EIF4G3: variants seen among roughly 807,000 people sequenced by gnomAD.
EIF4G3 encodes the protein eIF-4-gamma 3.
EIF4G3 carries 34 observed loss-of-function variants against 186.4 expected under a neutral mutation model. That is an observed-to-expected ratio of 0.18 (90% CI 0.14 to 0.24). The LOEUF (loss-of-function observed/expected upper bound fraction) is 0.24, where lower values mean the gene tolerates loss of function less well. Ranked by LOEUF, EIF4G3 falls within the 10% of genes least tolerant of loss-of-function variation. The pLI is 1.00. For synonymous variants in EIF4G3, 673 were observed against 679.5 expected (o/e 0.99, Z 0.15); for missense variants, 1,536 against 1,948.5 (o/e 0.79, Z 3.99).
At chr1:20,882,648 A>T (rs939620159) in intron 19 of EIF4G3, among the ~76,000 whole-genome samples, 6 of 151,850 alleles carry the variant, frequency 4.0e-5, no homozygotes, top group Non-Finnish European at 7.4e-5. Context: ...AACAAAAAAA[A>T]ATTAACAAAT....
intron 2 of EIF4G3, among the ~76,000 whole-genome samples, chr1:21,126,883 C>T (rs1558085225): frequency 6.6e-6 from 1 of 152,004 alleles, no homozygotes; most frequent in Non-Finnish European, 1.5e-5. Context: ...CATATCCTCC[C>T]TGCATACTTC....
chr1:20,852,567 C>T (rs866060060), intron 27 of EIF4G3, among the ~76,000 whole-genome samples: 5 of 152,242 alleles, frequency 3.3e-5, no homozygotes, highest in South Asian at 4.1e-4. Context: ...TTTCCTGATT[C>T]GTCTTCTTTT....
chr1:21,131,384 T>C (rs1221857257), intron 2 of EIF4G3, among the ~76,000 whole-genome samples: 3 of 143,288 alleles, frequency 2.1e-5, no homozygotes, highest in African/African-American at 7.7e-5. Flanking sequence ...TATGTATAAC[T>C]GGATTCACAG....
In EIF4G3 at chr1:20,950,030, C is replaced by T. The variant is rs773234113; in HGVS notation, c.796G>A (p.Val266Ile). 1.2e-6 allele frequency: 2 copies of T among 1,613,568 alleles called. No homozygotes were observed. Among genetic ancestry groups the T allele is most frequent in the South Asian group, 2.2e-5 (2 of 91,040 alleles). The change falls in exon 13 of 37, where the codon GTC (valine) becomes ATC (isoleucine). Residue 266 changes from valine (V) to isoleucine (I), a missense_variant. Around this residue, in one of 11 missense-constraint regions of EIF4G3, gnomAD observed 560 missense variants for 547.8 expected, o/e 1.02. Coordinates refer to ENST00000602326, the MANE Select transcript of EIF4G3 (RefSeq NM_001391906.1). ...TGCTTCTGGTCGCTAGCTGCAGTGA[C>T]AGGGGTGCTGGCAGCAAGATGAGCG... ...ESAHLAASTP[V>I]TAASDQKQEE... is the part of the protein sequence containing the mutation.
intron 2 of EIF4G3, among the ~76,000 whole-genome samples, chr1:21,141,716 C>A (rs2097342840): frequency 6.6e-6 from 1 of 151,952 alleles, no homozygotes; most frequent in Non-Finnish European, 1.5e-5. Flanking sequence ...ATCGTTTGAA[C>A]CTAGGAGTTC....
intron 29 of EIF4G3, among the ~76,000 whole-genome samples, chr1:20,847,033 A>T (rs975982068): frequency 1.3e-5 from 2 of 152,160 alleles, no homozygotes; most frequent in Non-Finnish European, 2.9e-5. Flanking sequence ...ACACACTAAT[A>T]CCCCAAAGGT....
intron 15 of EIF4G3, among the ~76,000 whole-genome samples, chr1:20,902,021 AT>A (rs765701647): frequency 2.0e-4 from 30 of 152,072 alleles, no homozygotes; most frequent in Non-Finnish European, 3.8e-4. Context: ...TTGCCAAGCA[AT>A]TTTAATATGA....
intron 2 of EIF4G3, among the ~76,000 whole-genome samples, chr1:21,112,618 G>A (rs1272933462): frequency 6.6e-6 from 1 of 151,860 alleles, no homozygotes; most frequent in African/African-American, 2.4e-5. Flanking sequence ...GTTTTTCTGA[G>A]GTATAAAAAT....
intron 24 of EIF4G3, among the ~76,000 whole-genome samples, chr1:20,859,235 A>G (rs1434260134): frequency 6.6e-6 from 1 of 152,182 alleles, no homozygotes; most frequent in East Asian, 1.9e-4. Context: ...AATATCCTCC[A>G]TGAATTAGGC....
chr1:21,099,002 G>C (rs141039630), intron 2 of EIF4G3, among the ~76,000 whole-genome samples: 1 of 152,160 alleles, frequency 6.6e-6, no homozygotes, highest in East Asian at 1.9e-4. Context: ...CACAAATAAA[G>C]ACACAAAAGG....
At chr1:21,171,639 T>C (rs2097972628) in intron 2 of EIF4G3, among the ~76,000 whole-genome samples, 3 of 152,274 alleles carry the variant, frequency 2.0e-5, no homozygotes, top group Admixed American at 2.0e-4. Flanking sequence ...CATTAACTGG[T>C]TTCTGTAAAT....
At chr1:20,973,358 C>T (rs897193634) in intron 10 of EIF4G3, among the ~76,000 whole-genome samples, 3 of 152,256 alleles carry the variant, frequency 2.0e-5, no homozygotes, top group Non-Finnish European at 2.9e-5. Context: ...TACAGATCCA[C>T]ACCACAGTTG....
At chr1:21,160,848 G>A (rs2097755305) in intron 2 of EIF4G3, among the ~76,000 whole-genome samples, 1 of 152,140 alleles carries the variant, frequency 6.6e-6, no homozygotes, top group African/African-American at 2.4e-5. Context: ...CAGTACGAGG[G>A]CAGAGTAGGA....
At chr1:20,955,563 T>G (rs1323135251) in intron 12 of EIF4G3, among the ~76,000 whole-genome samples, 1 of 152,168 alleles carries the variant, frequency 6.6e-6, no homozygotes, top group Admixed American at 6.5e-5. Context: ...TTCTGACCAC[T>G]GCATGGAGAA....
chr1:21,047,884 A>G (rs999223375), intron 4 of EIF4G3, among the ~76,000 whole-genome samples: 4 of 152,224 alleles, frequency 2.6e-5, no homozygotes, highest in African/African-American at 9.6e-5. Flanking sequence ...ACAAGTGTTA[A>G]CATATTGCTA....
At chr1:21,158,285 C>T (rs932744393) in intron 2 of EIF4G3, among the ~76,000 whole-genome samples, 1 of 150,962 alleles carries the variant, frequency 6.6e-6, no homozygotes, top group African/African-American at 2.4e-5. Context: ...AAGCAATCCA[C>T]CCACCTCAGC....
At chr1:20,882,050 CT>C (rs1285271183) in intron 19 of EIF4G3, among the ~76,000 whole-genome samples, 3 of 151,920 alleles carry the variant, frequency 2.0e-5, no homozygotes, top group African/African-American at 4.8e-5. Flanking sequence ...GTAGTCCTAG[CT>C]ACTTGTGGGG....
chr1:21,086,071 T>A (rs150753378), intron 3 of EIF4G3, among the ~76,000 whole-genome samples: 2,582 of 152,244 alleles, frequency 0.017, 36 homozygotes, highest in Non-Finnish European at 0.026. Context: ...GGTGACCAGA[T>A]AATTTATAAC....
rs1161398178 is a variant in EIF4G3 at position 21,176,786 on chromosome 1, G to A, written c.-520C>T. 3 of 700,118 alleles carry A rather than the reference G, an allele frequency of 4.3e-6. No individual in the cohort carries two copies. The highest frequency in any genetic ancestry group is 4.0e-5 in the Admixed American group (2 of 49,818). 43.4% of individuals were successfully genotyped at this position (700,118 alleles called of 1,614,324 possible). A position where few individuals can be genotyped will look rare whatever the true frequency, so the allele number is the denominator to read the frequency against. On this transcript the variant is annotated 5_prime_UTR_variant, in exon 1 of 37. Coordinates refer to ENST00000602326, the MANE Select transcript of EIF4G3 (RefSeq NM_001391906.1). ...CTTTATCCCCCTCCCCGGAGGAAGCGGCGCCCTTCTCGGTAGCGGGGCTCA... is the reference window on the plus strand; with the variant it reads ...CTTTATCCCCCTCCCCGGAGGAAGCAGCGCCCTTCTCGGTAGCGGGGCTCA...
Sources: gnomAD v4.1 joint callset for allele counts (sites outside exome capture counted in the v4.1 genomes callset) on GRCh38, gnomAD v4.1.1 for gene constraint, gnomAD v4.1.1 regional missense constraint, MANE v1.5 for transcripts, NCBI Gene and HGNC (gene_info 2026-07-23, HGNC 2026-07-21) for gene names.